Variants in TNNT2 observed in about 807,000 individuals in gnomAD.
TNNT2 encodes the protein troponin T2, cardiac type.
In TNNT2, 34 loss-of-function variants were observed where a neutral mutation model predicts 62.4. The ratio of observed to expected loss-of-function variants is 0.54; its 90% CI spans 0.41 to 0.72. TNNT2 has a LOEUF of 0.72. Among genes scored for constraint, TNNT2 ranks in the 30% least tolerant of loss-of-function variants. The probability of loss-of-function intolerance (pLI) is 0.00; values close to 1 mark genes in which losing one functional copy is unlikely to be tolerated. For missense variants in TNNT2, 275 were observed against 381.9 expected (o/e 0.72, Z 2.33); for synonymous variants, 123 against 127.2 (o/e 0.97, Z 0.22).
chr1:201,371,221 C>G (rs1395899907), intron 4 of TNNT2, among the ~76,000 whole-genome samples: 3 of 152,212 alleles, frequency 2.0e-5, no homozygotes, highest in Non-Finnish European at 4.4e-5. Context: ...GCCTGGGGTG[C>G]AGGGGGAGGA....
intron 9 of TNNT2, 136 bp from the exon 10 acceptor site, chr1:201,365,443 G>A (rs1659485606): frequency 1.0e-5 from 12 of 1,186,740 alleles, no homozygotes; most frequent in Non-Finnish European, 1.5e-5. Flanking sequence ...AGGGGTAACT[G>A]TGGCCTGAAC....
chr1:201,369,223 G>A, intron 5 of TNNT2: 2 of 463,374 alleles, frequency 4.3e-6, no homozygotes, highest in Admixed American at 2.4e-5. Flanking sequence ...ACTGCATCTT[G>A]AGATATAGCT....
intron 12 of TNNT2, among the ~76,000 whole-genome samples, chr1:201,362,818 A>G (rs1571611682): frequency 6.6e-6 from 1 of 152,230 alleles, no homozygotes; most frequent in Non-Finnish European, 1.5e-5. Context: ...ACAACCTCAC[A>G]TCTGTGTGGC....
chr1:201,366,401 G>T (rs1424023875), intron 8 of TNNT2: 8 of 1,066,660 alleles, frequency 7.5e-6, no homozygotes, highest in Non-Finnish European at 9.1e-6. Flanking sequence ...TGGGCTTCAC[G>T]TGTGTGGCAC....
intron 13 of TNNT2, 26 bp from the exon 14 acceptor site, chr1:201,362,048 A>G (rs371571596): frequency 3.2e-5 from 52 of 1,612,360 alleles, no homozygotes; most frequent in Admixed American, 1.0e-4. Flanking sequence ...AGCAGAGTAA[A>G]CTGGCCAGAT....
chr1:201,359,544 A>T (rs781317049), intron 16 of TNNT2, 79 bp downstream of exon 16: 25 of 1,421,436 alleles, frequency 1.8e-5, no homozygotes, highest in Non-Finnish European at 2.4e-5. Flanking sequence ...GGGGCCCTCC[A>T]AGGAGGAATG....
At chr1:201,362,887 A>G (rs1329370192) in intron 12 of TNNT2, among the ~76,000 whole-genome samples, 1 of 152,184 alleles carries the variant, frequency 6.6e-6, no homozygotes, top group Non-Finnish European at 1.5e-5. Context: ...GGCAGGCAAT[A>G]TGAGTGCCAG....
chr1:201,366,570 C>T (rs1283109371), intron 8 of TNNT2: 11 of 1,357,132 alleles, frequency 8.1e-6, no homozygotes, highest in African/African-American at 5.9e-5. Context: ...GGAGAGTGTC[C>T]GTTCAGGGCC....
Position 201,363,431 on chromosome 1 carries a change from A to G in TNNT2, c.490-25T>C, listed in dbSNP as rs769447125. 5.0e-6 allele frequency: 8 copies of G among 1,608,562 alleles called. No homozygotes were observed. The Middle Eastern group carries it at 1.2e-3, about 233-fold the overall frequency. On this transcript the variant is annotated intron_variant, in intron 11 of 16. Coordinates refer to ENST00000656932, the MANE Select transcript of TNNT2 (RefSeq NM_001276345.2). ...CCTGATTTACAGCAGGGAGGAAGAA[A>G]GCAAATTAGGGGAAAGGATTGGAAA...
intron 5 of TNNT2, among the ~76,000 whole-genome samples, chr1:201,369,023 T>A (rs1410834031): frequency 6.6e-6 from 1 of 152,150 alleles, no homozygotes; most frequent in Admixed American, 6.5e-5. Flanking sequence ...AAATGATCCT[T>A]CTAGAAAGTG....
chr1:201,367,742 C>G, intron 7 of TNNT2, 29 bp downstream of exon 7: 1 of 1,613,882 alleles, frequency 6.2e-7, no homozygotes, highest in Non-Finnish European at 8.5e-7. Flanking sequence ...TCCTTTGCCT[C>G]CCTTGTACCT....
chr1:201,359,205 A>C lies in TNNT2; in HGVS notation c.*5T>G. ...GAGCAGATCTTTGGTGAAGGAGGCCAGGCTCTATTTCCAGCGCCCGGTGAC... is the reference window on the plus strand; with the variant it reads ...GAGCAGATCTTTGGTGAAGGAGGCCCGGCTCTATTTCCAGCGCCCGGTGAC... On this transcript the variant is annotated 3_prime_UTR_variant, in exon 17 of 17. Coordinates refer to ENST00000656932, the MANE Select transcript of TNNT2 (RefSeq NM_001276345.2). The C allele has an allele frequency of 6.2e-7, 1 of 1,609,134 alleles. No homozygotes were observed. Among genetic ancestry groups the C allele is most frequent in the Non-Finnish European group, 8.5e-7 (1 of 1,178,482 alleles).
intron 13 of TNNT2, 157 bp from the exon 14 acceptor site, chr1:201,362,179 T>G (rs778888182): frequency 1.7e-6 from 2 of 1,173,540 alleles, no homozygotes; most frequent in Non-Finnish European, 2.5e-6. Context: ...CTACATGTAT[T>G]CCCTAGGGAA....
intron 9 of TNNT2, 81 bp from the exon 10 acceptor site, chr1:201,365,388 C>A (rs541576129): frequency 5.2e-6 from 7 of 1,344,120 alleles, no homozygotes; most frequent in Non-Finnish European, 7.5e-6. Context: ...CACCCCCCAA[C>A]GCAGTGCAAA....
rs1410150306 is a variant in TNNT2, at chr1:201,367,817, C to T, written c.164-11G>A. On this transcript the variant is annotated splice_polypyrimidine_tract_variant and intron_variant, in intron 6 of 16. Transcript: ENST00000656932. ...CTTCTTCTTCATCTTCTAAATGAAA[C>T]ACGAGAAATCAATCAAGGTCCTTGT... The T allele has an allele frequency of 3.7e-6, 6 of 1,614,026 alleles. No individual in the cohort carries two copies. Among genetic ancestry groups the T allele is most frequent in the African/African-American group, 2.7e-5 (2 of 74,908 alleles).
At position 201,363,338 on chromosome 1, in the gene TNNT2, C is replaced by G. The variant is rs757634539; in HGVS notation, c.558G>C (p.Lys186Asn). ...CAAAATGCATCATGTTGGACAAAGC[C>G]TTCTTCTTCCGGGCCTCATCCTCAG... ...RKAEDEARKKKALSNMMHFGG... is the reference protein window; with the variant it reads ...RKAEDEARKKNALSNMMHFGG... The change falls in exon 12 of 17, where the codon AAG becomes AAC. Residue 186 changes from lysine to asparagine, a missense_variant. By Grantham distance (94) the Lys-to-Asn change is moderately conservative. Transcript: ENST00000656932. 1.2e-6 allele frequency: 2 copies of G among 1,614,054 alleles called. No homozygotes were observed. The highest frequency in any genetic ancestry group is 2.7e-5 in the African/African-American group (2 of 74,918).
intron 7 of TNNT2, chr1:201,367,406 A>G: frequency 2.3e-6 from 1 of 442,230 alleles, no homozygotes. Flanking sequence ...ATGACCCACC[A>G]TGACCATCTA....
At chr1:201,366,063 T>C in intron 8 of TNNT2, 1 of 1,154,344 alleles carries the variant, frequency 8.7e-7, no homozygotes, top group Non-Finnish European at 1.1e-6. Flanking sequence ...AAACTGGCCA[T>C]GAACCTGGGA....
At chr1:201,372,097 C>G in intron 3 of TNNT2, 48 bp downstream of exon 3, 1 of 1,614,144 alleles carries the variant, frequency 6.2e-7, no homozygotes, top group Non-Finnish European at 8.5e-7. Flanking sequence ...GGGTCAGTTT[C>G]GAACCAGGCT....
Sources: gnomAD v4.1 joint callset for allele counts (sites outside exome capture counted in the v4.1 genomes callset) on GRCh38, gnomAD v4.1.1 for gene constraint, MANE v1.5 for transcripts, NCBI Gene and HGNC (gene_info 2026-07-23, HGNC 2026-07-21) for gene names.